ZBTB16: variants seen among roughly 807,000 people sequenced by gnomAD.
ZBTB16 encodes the protein zinc finger and BTB domain-containing protein 16.
A neutral mutation model predicts 56.8 loss-of-function variants in ZBTB16; 8 were observed. The observed-to-expected ratio is 0.14, with a 90% CI of 0.08 to 0.25. The LOEUF (loss-of-function observed/expected upper bound fraction) is 0.25. Among genes scored for constraint, ZBTB16 ranks in the 10% least tolerant of loss-of-function variants. The pLI, the probability that ZBTB16 is intolerant of heterozygous loss-of-function variation, is 1.00. For synonymous variants in ZBTB16, 363 were observed against 368.5 expected (o/e 0.98, Z 0.17); for missense variants, 625 against 903.0 (o/e 0.69, Z 3.95).
intron 1 of ZBTB16, among the ~76,000 whole-genome samples, chr11:114,061,176 CCGGAGCT>C (rs1379643109): frequency 6.6e-6 from 1 of 152,044 alleles, no homozygotes; most frequent in Non-Finnish European, 1.5e-5. Flanking sequence ...CGGTCGATCC[CCGGAGCT>C]CGGGCGGGTT....
chr11:114,228,285 C>T (rs189090206), intron 4 of ZBTB16, among the ~76,000 whole-genome samples: 77 of 152,200 alleles, frequency 5.1e-4, no homozygotes, highest in South Asian at 2.1e-4. Flanking sequence ...CATATTTTTG[C>T]GGGAGTGGCT....
intron 6 of ZBTB16, among the ~76,000 whole-genome samples, chr11:114,248,960 G>A (rs993936231): frequency 6.6e-6 from 1 of 152,168 alleles, no homozygotes; most frequent in South Asian, 2.1e-4. Context: ...TTGATAGCGA[G>A]ATGGCTGGCC....
rs1400374886 is a variant in ZBTB16, at chr11:114,060,852, G to A, written c.-91+970G>A. On this transcript the variant is annotated intron_variant, in intron 1 of 6. Coordinates refer to ENST00000335953, the MANE Select transcript of ZBTB16 (RefSeq NM_006006.6). This position sits in a 1 kb window ranked among gnomAD's most constrained non-coding sequence, Gnocchi z 6.0. The stretch of plus-strand genomic sequence containing the variant: ...CTGGGACCCAGCCGGTCGCTCCCAG[G>A]GGGTCACGGCCCTGGGTCGGAGAGG... Among the ~76,000 whole-genome samples the A allele has an allele frequency of 1.3e-5, 2 of 152,072 alleles. No homozygotes were observed. The highest frequency in any genetic ancestry group is 4.1e-4 in the South Asian group (2 of 4,832).
At chr11:114,116,125 A>G (rs1457350089) in intron 2 of ZBTB16, among the ~76,000 whole-genome samples, 1 of 152,210 alleles carries the variant, frequency 6.6e-6, no homozygotes, top group Middle Eastern at 3.2e-3. Flanking sequence ...AAGCTCTAGA[A>G]GAAATAAGAA....
At chr11:114,148,411 C>G (rs1212275345) in intron 2 of ZBTB16, among the ~76,000 whole-genome samples, 1 of 30,134 alleles carries the variant, frequency 3.3e-5, no homozygotes, top group Non-Finnish European at 7.0e-5. Flanking sequence ...CTCCCTCCCT[C>G]CCTCCCTCCC....
rs1263763485 is a variant in ZBTB16 at position 114,063,609 on chromosome 11, G to A, written c.309G>A (p.Leu103=). Residue 103 remains leucine (L), a synonymous_variant, in exon 2 of 7, where the codon CTG becomes CTA. Coordinates refer to ENST00000335953, the MANE Select transcript of ZBTB16 (RefSeq NM_006006.6). The surrounding 1 kb of genome is among the most constrained non-coding windows in gnomAD (Gnocchi z 6.5). ...AGGCGGAGGACCTGGATGACCTGCTGTATGCGGCCGAGATCCTGGAGATCG... is the reference window on the plus strand; with the variant it reads ...AGGCGGAGGACCTGGATGACCTGCTATATGCGGCCGAGATCCTGGAGATCG... The part of the protein sequence containing the change: ...QAKAEDLDDL[L]YAAEILEIEY... The A allele has an allele frequency of 1.1e-5, 18 of 1,614,110 alleles. 1 individual carries two copies. In the South Asian group the frequency reaches 1.9e-4, roughly 17 times the overall value.
At chr11:114,154,527 C>T (rs553742405) in intron 2 of ZBTB16, among the ~76,000 whole-genome samples, 1 of 152,294 alleles carries the variant, frequency 6.6e-6, no homozygotes, top group Non-Finnish European at 1.5e-5. Flanking sequence ...CACTCACATA[C>T]CCCTAGGTAT....
Position 114,095,428 on chromosome 11 carries a change from T to A in ZBTB16, c.1268+30860T>A, listed in dbSNP as rs60513959. Among the ~76,000 whole-genome samples, 3 of 151,730 alleles carry A rather than the reference T, an allele frequency of 2.0e-5. No homozygotes were observed. In the South Asian group the frequency reaches 6.2e-4, roughly 32 times the overall value. On this transcript the variant is annotated intron_variant, in intron 2 of 6. Coordinates refer to ENST00000335953, the MANE Select transcript of ZBTB16 (RefSeq NM_006006.6). ...GGCGCCCGCCACCACGCCCAGCTAA[T>A]TTTTTGTATATTTAGTAGAGACGGG...
chr11:114,231,385 T>C (rs1302562839), intron 4 of ZBTB16, among the ~76,000 whole-genome samples: 4 of 151,788 alleles, frequency 2.6e-5, no homozygotes, highest in Non-Finnish European at 5.9e-5. Context: ...GAGAGAAAGC[T>C]CCCCCTCCAT....
At chr11:114,088,013 G>C (rs1940024300) in intron 2 of ZBTB16, among the ~76,000 whole-genome samples, 1 of 152,096 alleles carries the variant, frequency 6.6e-6, no homozygotes, top group Admixed American at 6.6e-5. Context: ...TCATGCTTCA[G>C]TGTAAATGCC....
At chr11:114,243,669 C>T (rs1944758203) in intron 5 of ZBTB16, among the ~76,000 whole-genome samples, 1 of 152,186 alleles carries the variant, frequency 6.6e-6, no homozygotes, top group Non-Finnish European at 1.5e-5. Flanking sequence ...AAGCATTTCC[C>T]CTGCAGCTAT....
intron 6 of ZBTB16, among the ~76,000 whole-genome samples, chr11:114,249,457 CAAAAAAAA>C (rs57092004): frequency 1.2e-4 from 3 of 24,196 alleles, no homozygotes; most frequent in Admixed American, 7.4e-4. Context: ...GACTCCATCT[CAAAAAAAA>C]AAAAAAAAAA....
intron 2 of ZBTB16, among the ~76,000 whole-genome samples, chr11:114,136,021 G>C (rs908765886): frequency 5.3e-5 from 8 of 152,080 alleles, no homozygotes; most frequent in African/African-American, 1.9e-4. Flanking sequence ...TTCCCTTTGC[G>C]GTGTGGAATC....
At chr11:114,072,450 A>G (rs1939383819) in intron 2 of ZBTB16, among the ~76,000 whole-genome samples, 2 of 152,340 alleles carry the variant, frequency 1.3e-5, no homozygotes. Flanking sequence ...AGGCGTGCAC[A>G]TCACTGTGCT....
chr11:114,104,130 G>T (rs998613894), intron 2 of ZBTB16, among the ~76,000 whole-genome samples: 7 of 152,146 alleles, frequency 4.6e-5, no homozygotes, highest in African/African-American at 1.7e-4. Flanking sequence ...TTCTACAATG[G>T]TGCATTTGGA....
At chr11:114,125,864 C>G (rs1009905897) in intron 2 of ZBTB16, among the ~76,000 whole-genome samples, 2 of 152,206 alleles carry the variant, frequency 1.3e-5, no homozygotes, top group Non-Finnish European at 2.9e-5. Context: ...ATACGCATCT[C>G]TTTTCACATG....
chr11:114,131,412 C>CG (rs1251627740), intron 2 of ZBTB16, among the ~76,000 whole-genome samples: 1 of 152,176 alleles, frequency 6.6e-6, no homozygotes, highest in African/African-American at 2.4e-5. Flanking sequence ...TTTGTTTTCT[C>CG]TGTTTTTTTC....
chr11:114,144,238 C>T (rs1412260016), intron 2 of ZBTB16, among the ~76,000 whole-genome samples: 1 of 151,674 alleles, frequency 6.6e-6, no homozygotes, highest in Non-Finnish European at 1.5e-5. Context: ...GGCATGGACA[C>T]CAATTGTAAA....
At position 114,122,994 on chromosome 11, in the gene ZBTB16, T is replaced by G. The variant is rs553890527; in HGVS notation, c.1269-33343T>G. Among the ~76,000 whole-genome samples, 7 of 152,194 alleles carry G rather than the reference T, an allele frequency of 4.6e-5. No homozygotes were observed. The South Asian group carries it at 1.5e-3, about 32-fold the overall frequency. The stretch of plus-strand genomic sequence containing the variant: ...ATCCAAGATTAAAGTGGTAGCAGAT[T>G]TGGTGTCTGGGGAGGGCTCTTTTTC... On this transcript the variant is annotated intron_variant, in intron 2 of 6. Transcript: ENST00000335953.
Sources: gnomAD v4.1 joint callset for allele counts (sites outside exome capture counted in the v4.1 genomes callset) on GRCh38, gnomAD v4.1.1 for gene constraint, Gnocchi (gnomAD v3.1) non-coding constraint, MANE v1.5 for transcripts, NCBI Gene and HGNC (gene_info 2026-07-23, HGNC 2026-07-21) for gene names.